The following URB1 variants were observed in gnomAD, a reference collection of about 807,000 sequenced individuals.
URB1 encodes the protein URB1 ribosome biogenesis factor.
URB1 carries 197 observed loss-of-function variants against 242.3 expected under a neutral mutation model. That is an observed-to-expected ratio of 0.81 (90% CI 0.72 to 0.91). The LOEUF is 0.91. URB1 is among the 40% of genes least tolerant of loss of function. URB1 has a pLI of 0.00. For missense variants in URB1, 2,721 were observed against 2,860.5 expected (o/e 0.95, Z 1.11); for synonymous variants, 1,153 against 1,201.8 (o/e 0.96, Z 0.84).
At position 32,361,967 on chromosome 21, in the gene URB1, C is replaced by G. The variant is rs1184764435; in HGVS notation, c.1564G>C (p.Glu522Gln). The G allele has an allele frequency of 6.4e-7, 1 of 1,551,586 alleles. No homozygotes were observed. The highest frequency in any genetic ancestry group is 1.2e-5 in the South Asian group (1 of 84,052). ...VWVWQSLKKQETKQDDKKGQK... is the reference protein window; with the variant it reads ...VWVWQSLKKQQTKQDDKKGQK... The stretch of plus-strand genomic sequence containing the variant: ...CCTTTCTTGTCATCCTGTTTGGTCT[C>G]TTGCTTTTTAAGTGACTGCCAGACC... Residue 522 changes from glutamate (E) to glutamine (Q), a missense_variant, in exon 12 of 39, where the codon GAG (glutamate) becomes CAG (glutamine). Coordinates refer to ENST00000382751, the MANE Select transcript of URB1 (RefSeq NM_014825.3).
chr21:32,334,660 G>A (rs1205124253), intron 28 of URB1, among the ~76,000 whole-genome samples: 1 of 152,110 alleles, frequency 6.6e-6, no homozygotes, highest in East Asian at 1.9e-4. Flanking sequence ...TATACCCCTT[G>A]TGCAAATGGG....
At chr21:32,349,189 T>C in intron 21 of URB1, 115 bp downstream of exon 21, 1 of 1,350,464 alleles carries the variant, frequency 7.4e-7, no homozygotes, top group Admixed American at 3.1e-5. Context: ...CTGCTGTAGT[T>C]TCTGCATTTC....
intron 6 of URB1, among the ~76,000 whole-genome samples, chr21:32,374,688 T>C (rs1229876966): frequency 6.6e-6 from 1 of 152,214 alleles, no homozygotes; most frequent in Non-Finnish European, 1.5e-5. Flanking sequence ...GTAATTGTTA[T>C]GGGGGCCATC....
chr21:32,354,451 G>A (rs2033195661), intron 17 of URB1, among the ~76,000 whole-genome samples: 1 of 152,184 alleles, frequency 6.6e-6, no homozygotes, highest in South Asian at 2.1e-4. Flanking sequence ...CAGAGCCAGA[G>A]TACCTGCGTT....
chr21:32,381,761 G>A (rs1391359167), intron 4 of URB1, among the ~76,000 whole-genome samples: 1 of 152,192 alleles, frequency 6.6e-6, no homozygotes, highest in Non-Finnish European at 1.5e-5. Flanking sequence ...TATTTATAGT[G>A]AAATATGATT....
intron 15 of URB1, among the ~76,000 whole-genome samples, chr21:32,356,682 G>T (rs2033224504): frequency 3.3e-5 from 5 of 152,236 alleles, no homozygotes; most frequent in Admixed American, 2.0e-4. Flanking sequence ...GGCAGGACTT[G>T]AATGTGCAGA....
chr21:32,381,523 C>G (rs907287105), intron 4 of URB1, among the ~76,000 whole-genome samples: 1 of 148,292 alleles, frequency 6.7e-6, no homozygotes, highest in Non-Finnish European at 1.5e-5. Flanking sequence ...CTCAAAGACG[C>G]AAAAGGGATC....
In URB1 at chr21:32,372,500, A is replaced by C; in HGVS notation, c.1001+7T>G. The C allele has an allele frequency of 6.4e-7, 1 of 1,550,836 alleles. No individual in the cohort carries two copies. The highest frequency in any genetic ancestry group is 8.7e-7 in the Non-Finnish European group (1 of 1,146,912). ...ACCCTGGGGTCCACAAGAGTGTTATACTTTACCTGCCAAAGGTACCCAAAG... is the reference window on the plus strand; with the variant it reads ...ACCCTGGGGTCCACAAGAGTGTTATCCTTTACCTGCCAAAGGTACCCAAAG... On this transcript the variant is annotated splice_region_variant and intron_variant, in intron 8 of 38. Coordinates refer to ENST00000382751, the MANE Select transcript of URB1 (RefSeq NM_014825.3).
rs1381273709 is a variant in URB1, at chr21:32,312,849, GC to G, written c.*2068del. The G allele has an allele frequency of 6.6e-6, 1 of 152,084 alleles. No homozygotes were observed. Among genetic ancestry groups the G allele is most frequent in the Non-Finnish European group, 1.5e-5 (1 of 68,034 alleles). 9.4% of individuals were successfully genotyped at this position (152,084 alleles called of 1,614,324 possible). On this transcript the variant is annotated 3_prime_UTR_variant, in exon 39 of 39. Coordinates refer to ENST00000382751, the MANE Select transcript of URB1 (RefSeq NM_014825.3). ...TATTTTTAAAATAACTGTGCCCCCC[GC>G]CCCACTTAAGATATTTCTAATTTAG... is the stretch of plus-strand genomic sequence containing the variant.
intron 10 of URB1, 136 bp from the exon 11 acceptor site, chr21:32,363,465 TGAG>T: frequency 9.1e-7 from 1 of 1,093,098 alleles, no homozygotes; most frequent in Non-Finnish European, 1.3e-6. Context: ...CTCTACGCTC[TGAG>T]AAGAGGCGAC....
intron 1 of URB1, among the ~76,000 whole-genome samples, chr21:32,391,334 G>T (rs556497429): frequency 6.6e-6 from 1 of 151,546 alleles, no homozygotes; most frequent in Admixed American, 6.6e-5. Context: ...AAAGGGGCAC[G>T]TTGTGCACAT....
chr21:32,384,504 T>A, intron 2 of URB1, 40 bp from the exon 3 acceptor site: 2 of 1,541,500 alleles, frequency 1.3e-6, no homozygotes, highest in Non-Finnish European at 8.8e-7. Context: ...ATCGTCTCAT[T>A]TCCTTTCCTC....
chr21:32,338,032 T>G (rs1031725243), intron 26 of URB1, among the ~76,000 whole-genome samples: 2 of 152,210 alleles, frequency 1.3e-5, no homozygotes, highest in African/African-American at 4.8e-5. Flanking sequence ...CTTTTAGTTT[T>G]TCTACTACCC....
intron 36 of URB1, 151 bp downstream of exon 36, chr21:32,319,066 C>T (rs930058268): frequency 1.3e-5 from 9 of 668,508 alleles, no homozygotes; most frequent in African/African-American, 1.9e-5. Flanking sequence ...CTACCTACAC[C>T]TGACACTGGT....
intron 32 of URB1, among the ~76,000 whole-genome samples, chr21:32,323,032 G>A (rs1002678562): frequency 3.3e-5 from 5 of 152,172 alleles, no homozygotes; most frequent in East Asian, 3.8e-4. Flanking sequence ...ATGCAGCAAC[G>A]CAGAGGGCAA....
chr21:32,342,526 T>C (rs952106810), intron 24 of URB1, among the ~76,000 whole-genome samples: 1 of 152,034 alleles, frequency 6.6e-6, no homozygotes, highest in Non-Finnish European at 1.5e-5. Context: ...TGGAGTGCAA[T>C]GGTGCAATGG....
chr21:32,336,351 C>A (rs60752811), intron 28 of URB1, among the ~76,000 whole-genome samples: 1 of 152,134 alleles, frequency 6.6e-6, no homozygotes, highest in Non-Finnish European at 1.5e-5. Context: ...TCTTCCTTGG[C>A]CCAGTCAGCC....
intron 1 of URB1, among the ~76,000 whole-genome samples, chr21:32,387,792 T>C (rs913207214): frequency 1.3e-5 from 2 of 152,228 alleles, no homozygotes; most frequent in Non-Finnish European, 2.9e-5. Context: ...CTTCCTTCTC[T>C]GCCTTGGGGC....
At chr21:32,320,401 G>A in intron 35 of URB1, 130 bp downstream of exon 35, 1 of 696,014 alleles carries the variant, frequency 1.4e-6, no homozygotes, top group Non-Finnish European at 2.4e-6. Context: ...AGCATTGGAG[G>A]ACACTGCATT....
Sources: gnomAD v4.1 joint callset for allele counts (sites outside exome capture counted in the v4.1 genomes callset) on GRCh38, gnomAD v4.1.1 for gene constraint, MANE v1.5 for transcripts, NCBI Gene and HGNC (gene_info 2026-07-23, HGNC 2026-07-21) for gene names.